Variants in DIAPH3 observed in about 807,000 individuals in gnomAD.
DIAPH3 encodes the protein diaphanous related formin 3.
DIAPH3 carries 117 observed loss-of-function variants against 144.3 expected under a neutral mutation model. The observed-to-expected ratio is 0.81, with a 90% CI of 0.70 to 0.95. The LOEUF (loss-of-function observed/expected upper bound fraction) is 0.95, where lower values mean the gene tolerates loss of function less well. DIAPH3 is among the 40% of genes least tolerant of loss of function. DIAPH3 has a pLI of 0.00. For missense variants in DIAPH3, 1,421 were observed against 1,412.7 expected (o/e 1.01, Z -0.09); for synonymous variants, 519 against 488.9 (o/e 1.06, Z -0.81).
intron 27 of DIAPH3, among the ~76,000 whole-genome samples, chr13:59,668,677 T>C (rs1490198182): frequency 6.6e-6 from 1 of 152,198 alleles, no homozygotes; most frequent in Non-Finnish European, 1.5e-5. Context: ...TGACACAAGA[T>C]AAACTTTAGT....
intron 13 of DIAPH3, among the ~76,000 whole-genome samples, chr13:59,982,067 T>G (rs1315502512): frequency 6.6e-6 from 1 of 151,414 alleles, no homozygotes; most frequent in Non-Finnish European, 1.5e-5. Flanking sequence ...ATACCTTTTC[T>G]CCCCTATTGC....
At chr13:59,753,454 G>A (rs1045227100) in intron 27 of DIAPH3, among the ~76,000 whole-genome samples, 7 of 152,150 alleles carry the variant, frequency 4.6e-5, no homozygotes, top group Non-Finnish European at 1.0e-4. Context: ...ACTCAAAAGT[G>A]TACTGCATGG....
At chr13:59,846,816 C>T (rs967907495) in intron 22 of DIAPH3, among the ~76,000 whole-genome samples, 2 of 152,148 alleles carry the variant, frequency 1.3e-5, no homozygotes, top group Non-Finnish European at 2.9e-5. Context: ...TGGTTCACTC[C>T]TGTAATCTCA....
chr13:59,704,149 T>A (rs2034282811), intron 27 of DIAPH3, among the ~76,000 whole-genome samples: 1 of 152,224 alleles, frequency 6.6e-6, no homozygotes, highest in Admixed American at 6.5e-5. Flanking sequence ...GCTTCAGAAT[T>A]CAGTAAATCT....
chr13:60,064,438 T>C (rs1451737705), intron 4 of DIAPH3, among the ~76,000 whole-genome samples: 2 of 152,240 alleles, frequency 1.3e-5, no homozygotes, highest in Admixed American at 1.3e-4. Flanking sequence ...CATTTGCTGC[T>C]TGTGTCACCT....
chr13:59,992,609 G>T (rs747249575), intron 9 of DIAPH3, 26 bp from the exon 10 acceptor site: 6 of 1,563,668 alleles, frequency 3.8e-6, no homozygotes, highest in Non-Finnish European at 4.4e-6. Flanking sequence ...CAGTGAGACA[G>T]ACTGGGTTTC....
chr13:59,883,370 A>G (rs2045215027), intron 20 of DIAPH3, among the ~76,000 whole-genome samples: 1 of 152,204 alleles, frequency 6.6e-6, no homozygotes, highest in South Asian at 2.1e-4. Flanking sequence ...TTTTATAAAT[A>G]CAGGTTGTCA....
At chr13:59,977,883 T>G (rs576247092) in intron 14 of DIAPH3, among the ~76,000 whole-genome samples, 1 of 151,770 alleles carries the variant, frequency 6.6e-6, no homozygotes, top group South Asian at 2.1e-4. Context: ...GGTTTGGATA[T>G]GCTCAGCTTG....
intron 22 of DIAPH3, among the ~76,000 whole-genome samples, chr13:59,847,496 G>A (rs928436036): frequency 6.6e-6 from 1 of 152,170 alleles, no homozygotes; most frequent in African/African-American, 2.4e-5. Flanking sequence ...AAGAGAAAGT[G>A]TATTAGTGGG....
At chr13:59,882,543 A>G (rs548034530) in intron 20 of DIAPH3, among the ~76,000 whole-genome samples, 1 of 152,304 alleles carries the variant, frequency 6.6e-6, no homozygotes, top group East Asian at 1.9e-4. Flanking sequence ...GGGGATTTGC[A>G]TTCTGTTTTC....
intron 22 of DIAPH3, among the ~76,000 whole-genome samples, chr13:59,846,765 A>T (rs1339239556): frequency 6.6e-6 from 1 of 152,194 alleles, no homozygotes; most frequent in Non-Finnish European, 1.5e-5. Context: ...AGTTCGTAAC[A>T]GGCAAAGATA....
At chr13:59,879,911 G>A (rs2044896199) in intron 20 of DIAPH3, among the ~76,000 whole-genome samples, 1 of 152,158 alleles carries the variant, frequency 6.6e-6, no homozygotes, top group Non-Finnish European at 1.5e-5. Context: ...AGCAATTGCT[G>A]TCCTCAGAAA....
At chr13:60,001,480 C>A (rs763131676) in intron 9 of DIAPH3, among the ~76,000 whole-genome samples, 1 of 152,202 alleles carries the variant, frequency 6.6e-6, no homozygotes, top group Non-Finnish European at 1.5e-5. Context: ...AATTGTTAGA[C>A]TTAATTATTT....
chr13:59,796,968 T>C (rs1362489564), intron 25 of DIAPH3, among the ~76,000 whole-genome samples: 1 of 151,590 alleles, frequency 6.6e-6, no homozygotes, highest in African/African-American at 2.4e-5. Flanking sequence ...AGGAGAATTA[T>C]GGTCTGAAGC....
At chr13:60,019,750 T>C (rs1363044652) in intron 5 of DIAPH3, among the ~76,000 whole-genome samples, 2 of 152,160 alleles carry the variant, frequency 1.3e-5, no homozygotes, top group African/African-American at 4.8e-5. Flanking sequence ...TGAAAGTGTG[T>C]AAAGTGGTTT....
At chr13:60,095,408 A>T (rs747673582) in intron 3 of DIAPH3, among the ~76,000 whole-genome samples, 2 of 151,796 alleles carry the variant, frequency 1.3e-5, no homozygotes, top group African/African-American at 2.4e-5. Flanking sequence ...ACTTAAACTC[A>T]CTTAGCTATA....
At chr13:60,005,283 C>T (rs187132868) in intron 9 of DIAPH3, among the ~76,000 whole-genome samples, 6 of 152,156 alleles carry the variant, frequency 3.9e-5, no homozygotes, top group Admixed American at 3.3e-4. Context: ...ATTACATTTA[C>T]GTGAAATGTC....
rs1037029075 is a variant in DIAPH3 at position 60,106,276 on chromosome 13, C to G, written c.390+5734G>C. Among the ~76,000 whole-genome samples the G allele has an allele frequency of 2.6e-5, 4 of 152,052 alleles. No individual in the cohort carries two copies. In the East Asian group the frequency reaches 5.8e-4, roughly 22 times the overall value. ...CAAAAATCAAACCTCAGAAACAAAC[C>G]CACATGTGCACAAACTTGATCTATA... On this transcript the variant is annotated intron_variant, in intron 3 of 27. Coordinates refer to ENST00000400324, the MANE Select transcript of DIAPH3 (RefSeq NM_001042517.2).
At chr13:60,124,912 T>C (rs2058948243) in intron 2 of DIAPH3, among the ~76,000 whole-genome samples, 1 of 152,134 alleles carries the variant, frequency 6.6e-6, no homozygotes, top group African/African-American at 2.4e-5. Flanking sequence ...AGGATAGTAC[T>C]TAAATGGCAT....
Sources: gnomAD v4.1 joint callset for allele counts (sites outside exome capture counted in the v4.1 genomes callset) on GRCh38, gnomAD v4.1.1 for gene constraint, MANE v1.5 for transcripts, NCBI Gene and HGNC (gene_info 2026-07-23, HGNC 2026-07-21) for gene names.